The following ZNF121 variants were observed in gnomAD, a reference collection of about 807,000 sequenced individuals.
The protein encoded by ZNF121 is zinc finger protein 121 (clone ZHC32).
A neutral mutation model predicts 2.4 loss-of-function variants in ZNF121; 1 was observed. That is an observed-to-expected ratio of 0.41 (90% confidence interval 0.15 to 1.94). The LOEUF (loss-of-function observed/expected upper bound fraction) is 1.94, where lower values mean the gene tolerates loss of function less well. ZNF121 is among the 30% of genes most tolerant of loss of function. The pLI, the probability that ZNF121 is intolerant of heterozygous loss-of-function variation, is 0.30. For synonymous variants in ZNF121, 173 were observed against 158.6 expected (o/e 1.09, Z -0.68); for missense variants, 369 against 466.3 (o/e 0.79, Z 1.92).
rs1002967789 is a variant in ZNF121, at chr19:9,560,842, G to A, written c.*5098C>T. On this transcript the variant is annotated 3_prime_UTR_variant, in exon 4 of 4. Coordinates refer to ENST00000320451, the MANE Select transcript of ZNF121 (RefSeq NM_001008727.5). ...TCCTTTGGACATGTACCTAGAAGTG[G>A]ATTGCTGCTGACCAAGTAAGTTTTA... 1 of 152,218 alleles carries A rather than the reference G, an allele frequency of 6.6e-6. No individual in the cohort carries two copies. Among genetic ancestry groups the A allele is most frequent in the African/African-American group, 2.4e-5 (1 of 41,454 alleles). The allele number at this position is 152,218 out of a possible 1,614,324, so 9.4% of individuals were successfully genotyped here.
chr19:9,581,513 G>C (rs193048434), intron 1 of ZNF121, among the ~76,000 whole-genome samples: 18 of 152,170 alleles, frequency 1.2e-4, no homozygotes, highest in African/African-American at 4.3e-4. Context: ...TTGTACTGTG[G>C]CATGCCTGGG....
intron 1 of ZNF121, among the ~76,000 whole-genome samples, chr19:9,571,646 C>T (rs567933514): frequency 6.1e-4 from 93 of 152,254 alleles, no homozygotes; most frequent in Middle Eastern, 3.4e-3. Context: ...AGGTCTCTGT[C>T]GTAACTTAAT....
At position 9,566,324 on chromosome 19, in the gene ZNF121, T is replaced by C; in HGVS notation, c.789A>G (p.Lys263=). The C allele has an allele frequency of 2.5e-6, 4 of 1,613,910 alleles. 1 individual carries two copies. The highest frequency in any genetic ancestry group is 3.3e-4 in the Middle Eastern group (2 of 6,060). Residue 263 remains lysine, a synonymous_variant, in exon 4 of 4, where the codon AAA becomes AAG. Coordinates refer to ENST00000320451, the MANE Select transcript of ZNF121 (RefSeq NM_001008727.5). ...TAAGGCATGAAGAGCTTCTGAAGGA[T>C]TTTCCACATACCTTACATTCAAAGG... The part of the protein sequence containing the change: ...EKPFECKVCG[K]SFRSSSCLKN...
intron 1 of ZNF121, among the ~76,000 whole-genome samples, chr19:9,582,825 A>T (rs1568216704): frequency 6.6e-6 from 1 of 152,100 alleles, no homozygotes; most frequent in Non-Finnish European, 1.5e-5. Flanking sequence ...TTTTTCAGAA[A>T]AAAATGTCAA....
intron 1 of ZNF121, among the ~76,000 whole-genome samples, chr19:9,579,393 A>C (rs2074233554): frequency 6.6e-6 from 1 of 152,222 alleles, no homozygotes. Context: ...ACATATGCAC[A>C]CATAAAACCT....
At chr19:9,583,835 G>A (rs1180416765) in intron 1 of ZNF121, among the ~76,000 whole-genome samples, 1 of 151,896 alleles carries the variant, frequency 6.6e-6, no homozygotes, top group Admixed American at 6.6e-5. Context: ...GCTTGTAGCT[G>A]GTAACAACAA....
At chr19:9,583,057 C>CAAAAAA (rs1326380773) in intron 1 of ZNF121, among the ~76,000 whole-genome samples, 17,403 of 121,972 alleles carry the variant, frequency 0.14, 2,077 homozygotes, top group African/African-American at 0.29. Flanking sequence ...ACTAAAAATA[C>CAAAAAA]AAAAAAAAAA....
chr19:9,583,768 T>C (rs1450262264), intron 1 of ZNF121, among the ~76,000 whole-genome samples: 3 of 152,120 alleles, frequency 2.0e-5, no homozygotes, highest in African/African-American at 7.2e-5. Flanking sequence ...ACCTCCCAAA[T>C]GGCTGGGACT....
rs34814047 is a variant in ZNF121, at chr19:9,562,161, AT to A, written c.*3778del. The A allele has an allele frequency of 0.35, 37,980 of 107,494 alleles. 3,432 individuals carry two copies. Among genetic ancestry groups the A allele is most frequent in the Middle Eastern group, 0.4 (72 of 178 alleles). 6.7% of individuals were successfully genotyped at this position (107,494 alleles called of 1,614,324 possible). A position where few individuals can be genotyped will look rare whatever the true frequency, so the allele number is the denominator to read the frequency against. On this transcript the variant is annotated 3_prime_UTR_variant, in exon 4 of 4. Transcript: ENST00000320451. ...ATTATACTTACTGTGGTGCTGTGTG[AT>A]TTTTTTTTTTTTTTTTTTTTGAGAA...
chr19:9,562,944 T>A lies in ZNF121; in HGVS notation c.*2996A>T, dbSNP rs2144800154. On this transcript the variant is annotated 3_prime_UTR_variant, in exon 4 of 4. Coordinates refer to ENST00000320451, the MANE Select transcript of ZNF121 (RefSeq NM_001008727.5). ...TGGCCATGGTGGTGCACACCTGCAGTCTTTAGCTACTCAGGAGACAGGAAG... is the reference window on the plus strand; with the variant it reads ...TGGCCATGGTGGTGCACACCTGCAGACTTTAGCTACTCAGGAGACAGGAAG... 1 of 147,538 alleles carries A rather than the reference T, an allele frequency of 6.8e-6. No homozygotes were observed. The highest frequency in any genetic ancestry group is 2.0e-4 in the East Asian group (1 of 5,080). 9.1% of individuals were successfully genotyped at this position (147,538 alleles called of 1,614,324 possible).
At chr19:9,579,641 C>G (rs990172677) in intron 1 of ZNF121, among the ~76,000 whole-genome samples, 1 of 152,144 alleles carries the variant, frequency 6.6e-6, no homozygotes, top group Admixed American at 6.5e-5. Context: ...GCATTCCAGC[C>G]TGGGCAACAG....
chr19:9,566,743 C>T lies in ZNF121; in HGVS notation c.370G>A (p.Ala124Thr). ...GCATGGCTTGTGGAGTAAGTAAAAG[C>T]TCTCCCACATTGCTTCTGTTCATAG... is the stretch of plus-strand genomic sequence containing the variant. ...TLYEQKQCGR[A>T]FTYSTSHAVS... Residue 124 changes from alanine (A) to threonine (T), a missense_variant, in exon 4 of 4, where the codon GCT becomes ACT. By Grantham distance (58) the Ala-to-Thr change is moderately conservative. Around this residue, in one of 4 missense-constraint regions of ZNF121, gnomAD observed 168 missense variants for 162.3 expected, o/e 1.03. Transcript: ENST00000320451. 1 of 1,614,170 alleles carries T rather than the reference C, an allele frequency of 6.2e-7. No individual in the cohort carries two copies. Among genetic ancestry groups the T allele is most frequent in the African/African-American group, 1.3e-5 (1 of 75,050 alleles).
At chr19:9,576,473 T>C (rs1284773756) in intron 1 of ZNF121, among the ~76,000 whole-genome samples, 3 of 152,186 alleles carry the variant, frequency 2.0e-5, no homozygotes, top group Admixed American at 6.5e-5. Context: ...CCAAAATCTA[T>C]GGGATAAAAG....
intron 1 of ZNF121, among the ~76,000 whole-genome samples, chr19:9,571,665 A>G (rs2074175151): frequency 6.6e-6 from 1 of 152,232 alleles, no homozygotes; most frequent in Admixed American, 6.5e-5. Context: ...ATCCCCAGAG[A>G]AAATGACATT....
rs1052413449 is a variant in ZNF121 at position 9,564,002 on chromosome 19, T to C, written c.*1938A>G. The C allele has an allele frequency of 1.3e-5, 2 of 152,238 alleles. No homozygotes were observed. The highest frequency in any genetic ancestry group is 4.8e-5 in the African/African-American group (2 of 41,462). 9.4% of individuals were successfully genotyped at this position (152,238 alleles called of 1,614,324 possible). On this transcript the variant is annotated 3_prime_UTR_variant, in exon 4 of 4. Transcript: ENST00000320451. ...GGTATAAACAAGATTGGCGTTTTCA[T>C]GTCTGCTAACCGCAGCCCATGGATT...
At chr19:9,567,971 C>A in intron 3 of ZNF121, 124 bp downstream of exon 3, 1 of 1,110,858 alleles carries the variant, frequency 9.0e-7, no homozygotes, top group South Asian at 1.7e-5. Context: ...GACCCTTGCT[C>A]TAGAGACATT....
chr19:9,571,966 C>T (rs972490719), intron 1 of ZNF121, among the ~76,000 whole-genome samples: 2 of 152,100 alleles, frequency 1.3e-5, no homozygotes. Context: ...GGTTTCACTA[C>T]GTTGCCCAGG....
Position 9,561,655 on chromosome 19 carries a change from G to A in ZNF121, c.*4285C>T, listed in dbSNP as rs2074101365. ...TAATCCTGGCACTTTGGGAGGCTGAGGCAGGAGGACTGCTTGAGCCCAAGA... is the reference window on the plus strand; with the variant it reads ...TAATCCTGGCACTTTGGGAGGCTGAAGCAGGAGGACTGCTTGAGCCCAAGA... On this transcript the variant is annotated 3_prime_UTR_variant, in exon 4 of 4. Transcript: ENST00000320451. 6.6e-6 allele frequency: 1 copy of A among 152,172 alleles called. No homozygotes were observed. Among genetic ancestry groups the A allele is most frequent in the African/African-American group, 2.4e-5 (1 of 41,424 alleles). The allele number at this position is 152,172 out of a possible 1,614,324, so 9.4% of individuals were successfully genotyped here.
rs768334049 is a variant in ZNF121 at position 9,566,121 on chromosome 19, A to G, written c.992T>C (p.Ile331Thr). Residue 331 changes from isoleucine (I) to threonine (T), a missense_variant, in exon 4 of 4, where the codon ATA (isoleucine) becomes ACA (threonine). Transcript: ENST00000320451. ...FATSSQLIEH[I>T]RTHTGEKPYI... ...CGGTTTCTCTCCAGTGTGAGTTCTT[A>G]TATGTTCAATGAGTTGTGAAGATGT... 10 of 1,614,078 alleles carry G rather than the reference A, an allele frequency of 6.2e-6. No individual in the cohort carries two copies. In the South Asian group the frequency reaches 6.6e-5, roughly 11 times the overall value.
Sources: gnomAD v4.1 joint callset for allele counts (sites outside exome capture counted in the v4.1 genomes callset) on GRCh38, gnomAD v4.1.1 for gene constraint, gnomAD v4.1.1 regional missense constraint, MANE v1.5 for transcripts, NCBI Gene and HGNC (gene_info 2026-07-23, HGNC 2026-07-21) for gene names.